Variants in NFIB observed in about 807,000 individuals in gnomAD.
NFIB encodes the protein nuclear factor 1 B-type.
Under a neutral mutation model 61.5 loss-of-function variants are expected in NFIB, and 11 were observed. The observed-to-expected ratio is 0.18, with a 90% CI of 0.11 to 0.30. The LOEUF (loss-of-function observed/expected upper bound fraction) is 0.30. Ranked by LOEUF, NFIB falls within the 10% of genes least tolerant of loss-of-function variation. NFIB has a pLI of 1.00. For missense variants in NFIB, 471 were observed against 608.9 expected, an observed-to-expected ratio of 0.77 and a Z score of 2.38; for synonymous variants, 260 against 216.5, an observed-to-expected ratio of 1.20 and a Z score of -1.76.
chr9:14,427,310 G>A, the NFIB span, among the ~76,000 whole-genome samples: 17 of 152,094 alleles, frequency 1.1e-4, no homozygotes, highest in Non-Finnish European at 2.5e-4. Context: ...TATTTGTATT[G>A]TGCTTTCTCT....
At chr9:14,380,250 C>G (rs562915706) in intron 1 of NFIB, among the ~76,000 whole-genome samples, 1 of 152,150 alleles carries the variant, frequency 6.6e-6, no homozygotes, top group Non-Finnish European at 1.5e-5. Context: ...CCATGAGAAG[C>G]TCCATGGAAG....
chr9:14,104,868 T>G (rs1230955783), intron 10 of NFIB, among the ~76,000 whole-genome samples: 1 of 150,276 alleles, frequency 6.7e-6, no homozygotes, highest in East Asian at 2.7e-4. Flanking sequence ...TAGTACATAT[T>G]AATTATGTTA....
chr9:14,083,596 A>C lies in NFIB; in HGVS notation c.*4713T>G. 1 of 228,118 alleles carries C rather than the reference A, an allele frequency of 4.4e-6. No homozygotes were observed. 14.1% of individuals were successfully genotyped at this position (228,118 alleles called of 1,614,324 possible). On this transcript the variant is annotated 3_prime_UTR_variant, in exon 11 of 11. Transcript: ENST00000380953. The stretch of plus-strand genomic sequence containing the variant: ...GACAGGAACATGTAAACTATATTGA[A>C]TGTCATGCTTGGGGCCTATCTGCCA...
chr9:14,238,938 G>A (rs1182271594), intron 2 of NFIB, among the ~76,000 whole-genome samples: 1 of 151,984 alleles, frequency 6.6e-6, no homozygotes, highest in Non-Finnish European at 1.5e-5. Context: ...TAATTCCCAG[G>A]ACTCCCTGGT....
At chr9:14,512,186 T>A in the NFIB span, among the ~76,000 whole-genome samples, 1 of 152,190 alleles carries the variant, frequency 6.6e-6, no homozygotes, top group African/African-American at 2.4e-5. Flanking sequence ...AGATATGATT[T>A]GGGCAAAGGG....
chr9:14,242,612 C>T (rs907455961), intron 2 of NFIB, among the ~76,000 whole-genome samples: 9 of 152,240 alleles, frequency 5.9e-5, no homozygotes, highest in Admixed American at 3.3e-4. Context: ...CAAGCACTGT[C>T]TGCTGAAGCA....
chr9:14,418,863 G>C, the NFIB span, among the ~76,000 whole-genome samples: 6 of 152,150 alleles, frequency 3.9e-5, no homozygotes, highest in African/African-American at 1.4e-4. Context: ...ATAAGTCAGA[G>C]TGTACATTTG....
intron 1 of NFIB, among the ~76,000 whole-genome samples, chr9:14,367,149 T>G (rs1302987014): frequency 6.6e-6 from 1 of 152,204 alleles, no homozygotes; most frequent in East Asian, 1.9e-4. Flanking sequence ...ATGCAGGTGC[T>G]CTACTTGGGT....
chr9:14,288,403 A>G (rs2058857694), intron 2 of NFIB, among the ~76,000 whole-genome samples: 1 of 152,106 alleles, frequency 6.6e-6, no homozygotes, highest in Admixed American at 6.6e-5. Flanking sequence ...ATCTGTGTTA[A>G]AATTCCTATT....
At position 14,328,633 on chromosome 9, in the gene NFIB, T is replaced by G. The variant is rs189064770; in HGVS notation, c.109-21113A>C. Reference sequence around the variant, plus strand: ...ATCTGGTATCTGCTTATATGTAATATATATATATATGATTGCATAGTTATA... The same window carrying G: ...ATCTGGTATCTGCTTATATGTAATAGATATATATATGATTGCATAGTTATA... On this transcript the variant is annotated intron_variant, in intron 1 of 8. Coordinates refer to the NFIB transcript ENST00000380934. Among the ~76,000 whole-genome samples, 617 of 152,164 alleles carry G rather than the reference T, an allele frequency of 4.1e-3. 3 individuals are homozygous for G. Among genetic ancestry groups the G allele is most frequent in the African/African-American group, 0.014 (576 of 41,558 alleles).
intron 3 of NFIB, among the ~76,000 whole-genome samples, chr9:14,172,961 G>C (rs191584238): frequency 6.6e-6 from 1 of 151,994 alleles, no homozygotes; most frequent in African/African-American, 2.4e-5. Context: ...GTAGAGACGG[G>C]GTTTCACTAT....
chr9:14,395,163 C>A (rs1036745176), intron 1 of NFIB, among the ~76,000 whole-genome samples: 1 of 152,022 alleles, frequency 6.6e-6, no homozygotes, highest in African/African-American at 2.4e-5. Flanking sequence ...GAGCACCTGG[C>A]AGATTGACTT....
intron 2 of NFIB, among the ~76,000 whole-genome samples, chr9:14,222,814 G>GA (rs1371128935): frequency 1.6e-5 from 1 of 62,040 alleles, no homozygotes; most frequent in Non-Finnish European, 3.5e-5. Flanking sequence ...AAAAAAGAAA[G>GA]AAAGAAAAGA....
intron 2 of NFIB, among the ~76,000 whole-genome samples, chr9:14,220,916 C>A (rs1252902161): frequency 7.9e-5 from 12 of 151,128 alleles, no homozygotes; most frequent in African/African-American, 2.9e-4. Flanking sequence ...ATTCCTCTCA[C>A]CCCCTCCCAA....
chr9:14,371,662 T>C (rs2061359890), intron 1 of NFIB, among the ~76,000 whole-genome samples: 1 of 152,082 alleles, frequency 6.6e-6, no homozygotes, highest in Admixed American at 6.6e-5. Context: ...AGAACATAGG[T>C]TTTTACTTTC....
chr9:14,474,245 C>T, the NFIB span, among the ~76,000 whole-genome samples: 1 of 152,086 alleles, frequency 6.6e-6, no homozygotes, highest in Non-Finnish European at 1.5e-5. Context: ...GATCAAAGTG[C>T]TGGCACATAC....
chr9:14,470,984 C>T, the NFIB span, among the ~76,000 whole-genome samples: 1 of 152,116 alleles, frequency 6.6e-6, no homozygotes, highest in Non-Finnish European at 1.5e-5. Flanking sequence ...GACCTTGGAC[C>T]TGAAATGGTT....
the NFIB span, among the ~76,000 whole-genome samples, chr9:14,522,483 G>T: frequency 7.2e-5 from 11 of 152,218 alleles, no homozygotes; most frequent in South Asian, 2.3e-3. Flanking sequence ...AAAAAGCATT[G>T]TTGTCTCTTT....
At chr9:14,118,035 T>C (rs2038392128) in intron 8 of NFIB, among the ~76,000 whole-genome samples, 1 of 152,076 alleles carries the variant, frequency 6.6e-6, no homozygotes, top group South Asian at 2.1e-4. Flanking sequence ...AATTCTAATT[T>C]GAAATGCAAA....
Sources: allele counts gnomAD v4.1 joint callset (sites outside exome capture counted in the v4.1 genomes callset), GRCh38; gene constraint gnomAD v4.1.1; transcripts MANE v1.5; gene names NCBI Gene and HGNC (gene_info 2026-07-23, HGNC 2026-07-21).